CMTM8: variants seen among roughly 807,000 people sequenced by gnomAD.
CMTM8 encodes CKLF like MARVEL transmembrane domain containing 8.
Under a neutral mutation model 18.6 loss-of-function variants are expected in CMTM8, and 12 were observed. That is an observed-to-expected ratio of 0.65 (90% CI 0.41 to 1.05). The LOEUF is 1.05. Ranked by LOEUF, CMTM8 falls within the 50% of genes least tolerant of loss-of-function variation. CMTM8 has a pLI of 0.00. For synonymous variants in CMTM8, 87 were observed against 90.6 expected, an observed-to-expected ratio of 0.96 and a Z score of 0.23; for missense variants, 217 against 227.2, an observed-to-expected ratio of 0.95 and a Z score of 0.29.
At chr3:32,368,058 C>A in intron 3 of CMTM8, 70 bp downstream of exon 3, 2 of 1,066,088 alleles carry the variant, frequency 1.9e-6, no homozygotes, top group Non-Finnish European at 2.9e-6. Flanking sequence ...TTGGGGAAGA[C>A]AGAGTCATCT....
At chr3:32,349,934 G>A (rs999081252) in intron 1 of CMTM8, among the ~76,000 whole-genome samples, 1 of 152,130 alleles carries the variant, frequency 6.6e-6, no homozygotes, top group Admixed American at 6.6e-5. Context: ...CTTGAACCTG[G>A]GAGACGGAGG....
At chr3:32,347,437 C>A (rs1247545413) in intron 1 of CMTM8, among the ~76,000 whole-genome samples, 2 of 151,474 alleles carry the variant, frequency 1.3e-5, no homozygotes, top group Admixed American at 6.6e-5. Context: ...ACTTTGGCCA[C>A]CCCCCGGCAC....
chr3:32,275,630 C>T (rs1228245357), intron 1 of CMTM8, among the ~76,000 whole-genome samples: 2 of 148,620 alleles, frequency 1.3e-5, no homozygotes, highest in African/African-American at 5.0e-5. Flanking sequence ...GCACAAAGGC[C>T]CCCCATGTAC....
At chr3:32,317,688 C>T (rs551206614) in intron 1 of CMTM8, among the ~76,000 whole-genome samples, 13 of 152,186 alleles carry the variant, frequency 8.5e-5, no homozygotes, top group Non-Finnish European at 1.6e-4. Context: ...CTGGAAACAA[C>T]CAAAAATGTC....
At chr3:32,351,782 T>G (rs530314603) in intron 1 of CMTM8, among the ~76,000 whole-genome samples, 2 of 151,890 alleles carry the variant, frequency 1.3e-5, no homozygotes, top group Admixed American at 1.3e-4. Context: ...AAAATAAAAC[T>G]GGGTGGGGAA....
intron 1 of CMTM8, among the ~76,000 whole-genome samples, chr3:32,325,297 T>C (rs914377807): frequency 4.6e-5 from 7 of 152,212 alleles, no homozygotes; most frequent in Admixed American, 2.6e-4. Context: ...GGTGCTTCTG[T>C]GCAACTCAGT....
intron 2 of CMTM8, among the ~76,000 whole-genome samples, chr3:32,363,154 C>T (rs1218127735): frequency 2.0e-5 from 3 of 152,132 alleles, no homozygotes; most frequent in African/African-American, 4.8e-5. Context: ...GGTTTAATCC[C>T]TATAAGAGAG....
intron 1 of CMTM8, among the ~76,000 whole-genome samples, chr3:32,330,948 C>T (rs1164106801): frequency 6.6e-6 from 1 of 152,102 alleles, no homozygotes; most frequent in African/African-American, 2.4e-5. Flanking sequence ...CATATGACAA[C>T]AAAAGCACAG....
chr3:32,350,003 G>C (rs1198142189), intron 1 of CMTM8, among the ~76,000 whole-genome samples: 1 of 149,946 alleles, frequency 6.7e-6, no homozygotes, highest in Non-Finnish European at 1.5e-5. Flanking sequence ...GCAAGACTTT[G>C]TCTCAAAAAA....
At chr3:32,247,295 A>C (rs1702029646) in intron 1 of CMTM8, among the ~76,000 whole-genome samples, 1 of 152,078 alleles carries the variant, frequency 6.6e-6, no homozygotes, top group South Asian at 2.1e-4. Context: ...TTGTATAATT[A>C]TCACCACTGT....
At chr3:32,355,207 T>A (rs1459726753) in intron 1 of CMTM8, among the ~76,000 whole-genome samples, 2 of 152,224 alleles carry the variant, frequency 1.3e-5, no homozygotes, top group Admixed American at 6.5e-5. Flanking sequence ...AAGAAGGGCC[T>A]GAAGTCTCTC....
rs74595134 is a variant in CMTM8, at chr3:32,297,603, G to C, written c.147+58484G>C. 1.9e-3 allele frequency among the ~76,000 whole-genome samples: 291 copies of C among 152,132 alleles called. 2 individuals carry two copies. The highest frequency in any genetic ancestry group is 6.0e-3 in the African/African-American group (250 of 41,540). On this transcript the variant is annotated intron_variant, in intron 1 of 3. Coordinates refer to ENST00000307526, the MANE Select transcript of CMTM8 (RefSeq NM_178868.5). Reference sequence around the variant, plus strand: ...GCTGTGGCTAGCAGCAGCCCCGTCTGGGGTGGCGCAGACACTCCAGGCTGC... The same window carrying C: ...GCTGTGGCTAGCAGCAGCCCCGTCTCGGGTGGCGCAGACACTCCAGGCTGC...
chr3:32,333,660 A>G (rs1260206604), intron 1 of CMTM8, among the ~76,000 whole-genome samples: 1 of 151,728 alleles, frequency 6.6e-6, no homozygotes, highest in African/African-American at 2.4e-5. Context: ...AGGAAAAGAA[A>G]AGGTACCGAG....
chr3:32,304,593 C>A (rs969475018), intron 1 of CMTM8, among the ~76,000 whole-genome samples: 2 of 152,170 alleles, frequency 1.3e-5, no homozygotes, highest in Non-Finnish European at 2.9e-5. Flanking sequence ...CATAGAGAAA[C>A]CTCCAAGGCA....
chr3:32,346,485 T>C (rs951373899), intron 1 of CMTM8, among the ~76,000 whole-genome samples: 1 of 152,198 alleles, frequency 6.6e-6, no homozygotes, highest in Non-Finnish European at 1.5e-5. Context: ...AGTCCAAGAT[T>C]AAGGGGACAG....
At chr3:32,284,937 T>C (rs961928491) in intron 1 of CMTM8, among the ~76,000 whole-genome samples, 1 of 152,142 alleles carries the variant, frequency 6.6e-6, no homozygotes, top group African/African-American at 2.4e-5. Flanking sequence ...TGGCTTTCCT[T>C]GTAAGGGGGA....
intron 1 of CMTM8, among the ~76,000 whole-genome samples, chr3:32,283,889 T>C (rs1318281440): frequency 6.6e-6 from 1 of 152,184 alleles, no homozygotes; most frequent in Non-Finnish European, 1.5e-5. Flanking sequence ...TTTGTAAATA[T>C]TTATAGCCCA....
intron 1 of CMTM8, among the ~76,000 whole-genome samples, chr3:32,248,130 A>G (rs111510432): frequency 7.2e-5 from 11 of 152,356 alleles, no homozygotes; most frequent in African/African-American, 2.2e-4. Context: ...TATAATAGGT[A>G]CTTCGTGTTC....
intron 1 of CMTM8, among the ~76,000 whole-genome samples, chr3:32,303,821 G>A (rs1193531323): frequency 6.6e-6 from 1 of 152,016 alleles, no homozygotes; most frequent in Non-Finnish European, 1.5e-5. Flanking sequence ...GGAAGTTGCA[G>A]GCCTGACATT....
Sources: gnomAD v4.1 joint callset for allele counts (sites outside exome capture counted in the v4.1 genomes callset) on GRCh38, gnomAD v4.1.1 for gene constraint, MANE v1.5 for transcripts, NCBI Gene and HGNC (gene_info 2026-07-23, HGNC 2026-07-21) for gene names.